The following TM6SF2 variants were observed in gnomAD, a reference collection of about 807,000 sequenced individuals.
TM6SF2 encodes transmembrane 6 superfamily member 2.
TM6SF2 carries 29 observed loss-of-function variants against 41.0 expected under a neutral mutation model. The observed-to-expected ratio is 0.71, with a 90% CI of 0.53 to 0.96. The LOEUF is 0.96. TM6SF2 is among the 50% of genes least tolerant of loss of function. The pLI is 0.00. For synonymous variants in TM6SF2, 200 were observed against 209.1 expected, an observed-to-expected ratio of 0.96 and a Z score of 0.37; for missense variants, 475 against 499.0, an observed-to-expected ratio of 0.95 and a Z score of 0.46.
intron 2 of TM6SF2, among the ~76,000 whole-genome samples, 198 bp downstream of exon 2, chr19:19,270,824 C>T (rs554408127): frequency 1.4e-4 from 22 of 152,328 alleles, no homozygotes; most frequent in Admixed American, 1.3e-3. Context: ...TTCTTAGGAG[C>T]CCCAGCTCTG....
At chr19:19,265,407 C>CTATTT (rs1478604397) in intron 9 of TM6SF2, among the ~76,000 whole-genome samples, 3,090 of 87,704 alleles carry the variant, frequency 0.035, 60 homozygotes, top group Middle Eastern at 0.087. Context: ...TCTATCTATC[C>CTATTT]ATCCATCCAT....
chr19:19,265,387 TATCTATCTATCTATCTATCC>T (rs971805380), intron 9 of TM6SF2, among the ~76,000 whole-genome samples: 5 of 133,928 alleles, frequency 3.7e-5, no homozygotes, highest in South Asian at 2.5e-4. Context: ...TCTATCTATC[TATCTATCTATCTATCTATCC>T]ATCCATCCAT....
At chr19:19,268,303 T>C (rs1253829650) in intron 6 of TM6SF2, among the ~76,000 whole-genome samples, 1 of 151,162 alleles carries the variant, frequency 6.6e-6, no homozygotes, top group Non-Finnish European at 1.5e-5. Flanking sequence ...TCTCCTGGGC[T>C]CAAGTGATCC....
chr19:19,269,471 C>T (rs2061014986), intron 5 of TM6SF2, among the ~76,000 whole-genome samples: 1 of 152,120 alleles, frequency 6.6e-6, no homozygotes, highest in African/African-American at 2.4e-5. Context: ...GGAACCATTG[C>T]CTGGGGAGGA....
chr19:19,267,614 C>G lies in TM6SF2; in HGVS notation c.804+7G>C, dbSNP rs566271444. 6.2e-7 allele frequency: 1 copy of G among 1,611,342 alleles called. No individual in the cohort carries two copies. Among genetic ancestry groups the G allele is most frequent in the South Asian group, 1.1e-5 (1 of 90,598 alleles). On this transcript the variant is annotated splice_region_variant and intron_variant, in intron 8 of 9. Coordinates refer to ENST00000389363, the MANE Select transcript of TM6SF2 (RefSeq NM_001001524.3). ...GGGGTGTGGTCTTCTCCCCGCTCCC[C>G]TCTCACCTGCACCTTAGGGTAGGCC...
At position 19,264,785 on chromosome 19, in the gene TM6SF2, A is replaced by G. The variant is rs748225805; in HGVS notation, c.1013T>C (p.Val338Ala). ...GCCCAGCGCATACAGCAGATTGCAC[A>G]CGAAGAAGCAGCCCCAGGTGTCCTC... ...VPEDTWGCFFVCNLLYALGPH... is the reference protein window; with the variant it reads ...VPEDTWGCFFACNLLYALGPH... The change falls in exon 10 of 10, where the codon GTG becomes GCG. Residue 338 changes from valine to alanine, a missense_variant. By Grantham distance (64) the Val-to-Ala change is moderately conservative. Transcript: ENST00000389363. The G allele has an allele frequency of 3.7e-6, 6 of 1,610,474 alleles. No individual in the cohort carries two copies. In the South Asian group the frequency reaches 6.6e-5, roughly 18 times the overall value.
intron 1 of TM6SF2, among the ~76,000 whole-genome samples, chr19:19,271,363 C>A (rs571970171): frequency 6.6e-6 from 1 of 152,364 alleles, no homozygotes; most frequent in African/African-American, 2.4e-5. Flanking sequence ...CAAACTCCTA[C>A]TCATCCTTCA....
chr19:19,267,675 A>G lies in TM6SF2; in HGVS notation c.750T>C (p.Tyr250=), dbSNP rs775952201. 1 of 1,613,964 alleles carries G rather than the reference A, an allele frequency of 6.2e-7. No homozygotes were observed. Among genetic ancestry groups the G allele is most frequent in the East Asian group, 2.2e-5 (1 of 44,858 alleles). The change falls in exon 8 of 10, where the codon TAT becomes TAC. Residue 250 remains tyrosine (Y), a synonymous_variant. Coordinates refer to ENST00000389363, the MANE Select transcript of TM6SF2 (RefSeq NM_001001524.3). ...LDCPTDACFV[Y]IYQYEPYLRD... ...GCAGGTATGGCTCATACTGGTAGAT[A>G]TAGACAAAGCAGGCATCTGTGGGGC...
intron 2 of TM6SF2, 66 bp from the exon 3 acceptor site, chr19:19,270,508 G>C (rs74182630): frequency 6.5e-7 from 1 of 1,535,332 alleles, no homozygotes; most frequent in Non-Finnish European, 8.8e-7. Flanking sequence ...CTAGGGCTTA[G>C]TGTGGGCGGG....
At chr19:19,270,485 C>T (rs779400582) in intron 2 of TM6SF2, 43 bp from the exon 3 acceptor site, 32 of 1,567,902 alleles carry the variant, frequency 2.0e-5, no homozygotes, top group Middle Eastern at 1.7e-4. Context: ...GGAGGGGACA[C>T]GTGTGGGTGG....
At chr19:19,273,100 C>G in intron 1 of TM6SF2, 21 bp downstream of exon 1, 1 of 1,463,140 alleles carries the variant, frequency 6.8e-7, no homozygotes, top group Non-Finnish European at 9.0e-7. Flanking sequence ...CAAGGCCGCC[C>G]TGGCCCCTCT....
intron 6 of TM6SF2, 65 bp from the exon 7 acceptor site, chr19:19,268,152 C>A: frequency 1.9e-6 from 2 of 1,075,334 alleles, no homozygotes; most frequent in Non-Finnish European, 2.7e-6. Flanking sequence ...AGTAGGTACT[C>A]AATAAAGGTT....
Position 19,266,601 on chromosome 19 carries a change from C to T in TM6SF2, c.813G>A (p.Met271Ile). The T allele has an allele frequency of 6.2e-7, 1 of 1,613,350 alleles. No homozygotes were observed. Among genetic ancestry groups the T allele is most frequent in the Non-Finnish European group, 8.5e-7 (1 of 1,179,520 alleles). The change falls in exon 9 of 10, where the codon ATG (methionine) becomes ATA (isoleucine). Residue 271 changes from methionine (M) to isoleucine (I), a missense_variant. By Grantham distance (10) the Met-to-Ile change is conservative (BLOSUM62 1). Around this residue, in one of 3 missense-constraint regions of TM6SF2, gnomAD observed 190 missense variants for 190.2 expected, o/e 1.00. Transcript: ENST00000389363. Reference protein sequence around the residue: ...PVAYPKVQMLMYMFYVLPFCG... With the variant: ...PVAYPKVQMLIYMFYVLPFCG... ...AGAAAGGCAGGACATAAAACATGTA[C>T]ATCAGCATCTGCAGGGGCGGGAGGA...
rs1201462711 is a variant in TM6SF2, at chr19:19,271,115, C to T, written c.106G>A (p.Val36Met). The T allele has an allele frequency of 1.2e-6, 2 of 1,614,132 alleles. No homozygotes were observed. The highest frequency in any genetic ancestry group is 1.7e-5 in the Admixed American group (1 of 60,028). The change falls in exon 2 of 10, where the codon GTG becomes ATG. Residue 36 changes from valine to methionine, a missense_variant. By Grantham distance (21) the Val-to-Met change is conservative. Coordinates refer to ENST00000389363, the MANE Select transcript of TM6SF2 (RefSeq NM_001001524.3). ...AGGATTAGGGCGCTCATCAATGCCA[C>T]CCACAGGGGGCTGTGGAGAGGGAAG... is the stretch of plus-strand genomic sequence containing the variant. The part of the protein sequence containing the change: ...HVSALSHPLW[V>M]ALMSALILGL...
In TM6SF2 at chr19:19,268,202, TTTTTTC is replaced by T; in HGVS notation, c.610-121_610-116del. On this transcript the variant is annotated intron_variant, in intron 6 of 9. Coordinates refer to ENST00000389363, the MANE Select transcript of TM6SF2 (RefSeq NM_001001524.3). ...CTTCTTTCTTTTTTTCTTTTTTTTC[TTTTTTC>T]TTTTTTTTTTTTTTTGAGACAGGGT... 5.7e-6 allele frequency: 4 copies of T among 704,916 alleles called. No individual in the cohort carries two copies. In the South Asian group the frequency reaches 6.6e-5, roughly 12 times the overall value. 43.7% of individuals were successfully genotyped at this position (704,916 alleles called of 1,614,324 possible).
At chr19:19,266,770 C>T (rs2061004480) in intron 8 of TM6SF2, 161 bp from the exon 9 acceptor site, 3 of 819,922 alleles carry the variant, frequency 3.7e-6, no homozygotes, top group Non-Finnish European at 1.8e-6. Flanking sequence ...CCTTGGGGAT[C>T]CTTGCCCCCA....
rs201198499 is a variant in TM6SF2, at chr19:19,268,177, CTTCT to C, written c.610-94_610-91del. 1.9e-3 allele frequency: 1,640 copies of C among 849,104 alleles called. 25 individuals are homozygous for C. The African/African-American group carries it at 0.023, about 12-fold the overall frequency. 52.6% of individuals were successfully genotyped at this position (849,104 alleles called of 1,614,324 possible). A position where few individuals can be genotyped will look rare whatever the true frequency, so the allele number is the denominator to read the frequency against. ...CAATAAAGGTTCCTAAGGCTCCTCC[CTTCT>C]TTCTTTTTTTCTTTTTTTTCTTTTT... On this transcript the variant is annotated intron_variant, in intron 6 of 9. Transcript: ENST00000389363.
At position 19,264,765 on chromosome 19, in the gene TM6SF2, G is replaced by C. The variant is rs1257133104; in HGVS notation, c.1033C>G (p.Leu345Val). 6.2e-7 allele frequency: 1 copy of C among 1,609,916 alleles called. No individual in the cohort carries two copies. The highest frequency in any genetic ancestry group is 1.7e-5 in the Admixed American group (1 of 59,464). The change falls in exon 10 of 10, where the codon CTG becomes GTG. Residue 345 changes from leucine to valine, a missense_variant. By Grantham distance (32) the Leu-to-Val change is conservative. Around this residue, in one of 3 missense-constraint regions of TM6SF2, gnomAD observed 190 missense variants for 190.2 expected, o/e 1.00. Coordinates refer to ENST00000389363, the MANE Select transcript of TM6SF2 (RefSeq NM_001001524.3). Reference protein sequence around the residue: ...CFFVCNLLYALGPHLLAYRCL... With the variant: ...CFFVCNLLYAVGPHLLAYRCL... Reference sequence around the variant, plus strand: ...CGGTAGGCCAGCAGGTGGGGGCCCAGCGCATACAGCAGATTGCACACGAAG... The same window carrying C: ...CGGTAGGCCAGCAGGTGGGGGCCCACCGCATACAGCAGATTGCACACGAAG...
chr19:19,266,964 C>G (rs2061005196), intron 8 of TM6SF2, among the ~76,000 whole-genome samples: 1 of 152,160 alleles, frequency 6.6e-6, no homozygotes, highest in South Asian at 2.1e-4. Flanking sequence ...GTAATAAGGG[C>G]TCACATTGCT....
Sources: allele counts gnomAD v4.1 joint callset (sites outside exome capture counted in the v4.1 genomes callset), GRCh38; gene constraint gnomAD v4.1.1; regional missense constraint gnomAD v4.1.1; transcripts MANE v1.5; gene names NCBI Gene and HGNC (gene_info 2026-07-23, HGNC 2026-07-21).